Variants in ZDHHC14 observed in about 807,000 individuals in gnomAD.
The protein encoded by ZDHHC14 is palmitoyltransferase ZDHHC14.
A neutral mutation model predicts 47.7 loss-of-function variants in ZDHHC14; 16 were observed. The ratio of observed to expected loss-of-function variants is 0.34; its 90% CI spans 0.23 to 0.51. The LOEUF (loss-of-function observed/expected upper bound fraction) is 0.51, where lower values mean the gene tolerates loss of function less well. Among genes scored for constraint, ZDHHC14 ranks in the 20% least tolerant of loss-of-function variants. The pLI, the probability that ZDHHC14 is intolerant of heterozygous loss-of-function variation, is 0.97. For missense variants in ZDHHC14, 515 were observed against 662.5 expected (o/e 0.78, Z 2.44); for synonymous variants, 293 against 278.9 (o/e 1.05, Z -0.50).
intron 1 of ZDHHC14, among the ~76,000 whole-genome samples, chr6:157,507,098 G>A (rs1308313701): frequency 1.3e-5 from 2 of 151,970 alleles, no homozygotes; most frequent in South Asian, 2.1e-4. Flanking sequence ...CATTATCTGT[G>A]TACTTTTTAT....
chr6:157,528,433 A>T (rs1004317342), intron 1 of ZDHHC14, among the ~76,000 whole-genome samples: 4 of 152,078 alleles, frequency 2.6e-5, no homozygotes, highest in East Asian at 1.9e-4. Flanking sequence ...TAATCAATTA[A>T]TTTAAAAAGC....
At chr6:157,446,917 G>A (rs975180923) in intron 1 of ZDHHC14, among the ~76,000 whole-genome samples, 2 of 151,688 alleles carry the variant, frequency 1.3e-5, no homozygotes, top group African/African-American at 2.4e-5. Context: ...TCAGGAGTTC[G>A]AGACTAGCCT....
intron 1 of ZDHHC14, among the ~76,000 whole-genome samples, chr6:157,497,087 T>C (rs1481567867): frequency 6.6e-6 from 1 of 152,090 alleles, no homozygotes; most frequent in Non-Finnish European, 1.5e-5. Context: ...CGGAGTAGCA[T>C]TGGATAAGGG....
intron 1 of ZDHHC14, among the ~76,000 whole-genome samples, chr6:157,445,940 A>T (rs1007143187): frequency 3.3e-5 from 5 of 152,198 alleles, no homozygotes; most frequent in Non-Finnish European, 7.3e-5. Context: ...TTTTCAACAG[A>T]TTGGACTCGC....
intron 1 of ZDHHC14, among the ~76,000 whole-genome samples, chr6:157,521,552 G>A (rs1582881336): frequency 6.6e-6 from 1 of 152,322 alleles, no homozygotes; most frequent in East Asian, 1.9e-4. Context: ...CCTTCTAGCT[G>A]TGCCCTCACA....
Position 157,632,861 on chromosome 6 carries a change from C to A in ZDHHC14, c.731C>A (p.Ala244Asp). ...TCACAGCAAACAGGATTCCTAAATG[C>A]CCTTAAGGACAGTCCTGCAAGATAT... ...LRSQQTGFLN[A>D]LKDSPASVLE... Residue 244 changes from alanine to aspartate, a missense_variant, in exon 5 of 9, where the codon GCC (alanine) becomes GAC (aspartate). By Grantham distance (126) the Ala-to-Asp change is moderately radical. Coordinates refer to ENST00000359775, the MANE Select transcript of ZDHHC14 (RefSeq NM_024630.3). 6.2e-7 allele frequency: 1 copy of A among 1,614,152 alleles called. No homozygotes were observed. Among genetic ancestry groups the A allele is most frequent in the South Asian group, 1.1e-5 (1 of 91,074 alleles).
At chr6:157,416,985 T>G (rs1181481382) in intron 1 of ZDHHC14, among the ~76,000 whole-genome samples, 1 of 133,630 alleles carries the variant, frequency 7.5e-6, no homozygotes, top group African/African-American at 2.8e-5. Flanking sequence ...TTTTTTTTTT[T>G]TTTTTTTTTT....
chr6:157,400,470 C>T (rs1055987772), intron 1 of ZDHHC14, among the ~76,000 whole-genome samples: 13 of 152,164 alleles, frequency 8.5e-5, no homozygotes, highest in Admixed American at 2.0e-4. Flanking sequence ...GACACACACA[C>T]GCAGAGAAAG....
rs568442169 is a variant in ZDHHC14 at position 157,541,968 on chromosome 6, C to T, written c.246-617C>T. Among the ~76,000 whole-genome samples, 3 of 152,306 alleles carry T rather than the reference C, an allele frequency of 2.0e-5. No individual in the cohort carries two copies. In the East Asian group the frequency reaches 5.8e-4, roughly 29 times the overall value. On this transcript the variant is annotated intron_variant, in intron 1 of 8. Transcript: ENST00000359775. ...GCATGAGATGATTCTATTCCAGCTG[C>T]TGAAATCCCTTAAATCTTCTTCCGA... is the stretch of plus-strand genomic sequence containing the variant.
chr6:157,614,602 A>G (rs1279561756), intron 3 of ZDHHC14, among the ~76,000 whole-genome samples: 2 of 152,014 alleles, frequency 1.3e-5, no homozygotes, highest in Non-Finnish European at 2.9e-5. Context: ...AGAAAACCCC[A>G]TGGAATCGCT....
intron 1 of ZDHHC14, among the ~76,000 whole-genome samples, chr6:157,450,769 T>G (rs1485761198): frequency 6.6e-6 from 1 of 152,150 alleles, no homozygotes; most frequent in Non-Finnish European, 1.5e-5. Flanking sequence ...CTAAGGCAAG[T>G]GTACAAAGAG....
chr6:157,611,404 T>G (rs1276296506), intron 3 of ZDHHC14, among the ~76,000 whole-genome samples: 1 of 152,208 alleles, frequency 6.6e-6, no homozygotes, highest in Non-Finnish European at 1.5e-5. Flanking sequence ...TCTGTGCATT[T>G]ATTTAGAAAC....
chr6:157,561,411 C>T (rs1477236530), intron 2 of ZDHHC14, among the ~76,000 whole-genome samples: 1 of 149,922 alleles, frequency 6.7e-6, no homozygotes, highest in African/African-American at 2.5e-5. Flanking sequence ...TTTTTCTTAC[C>T]GTGTGTATTA....
At chr6:157,654,062 G>C (rs970082658) in intron 8 of ZDHHC14, among the ~76,000 whole-genome samples, 1 of 152,132 alleles carries the variant, frequency 6.6e-6, no homozygotes, top group Non-Finnish European at 1.5e-5. Flanking sequence ...CGGTTCCCCT[G>C]CTTCCGCCCA....
chr6:157,654,184 T>C (rs1777976454), intron 8 of ZDHHC14, among the ~76,000 whole-genome samples: 5 of 152,284 alleles, frequency 3.3e-5, no homozygotes, highest in Middle Eastern at 3.4e-3. Flanking sequence ...TCTCACGCTT[T>C]CTTCGACGGG....
chr6:157,534,539 A>G (rs1781473751), intron 1 of ZDHHC14, among the ~76,000 whole-genome samples: 1 of 3,322 alleles, frequency 3.0e-4, no homozygotes, highest in Non-Finnish European at 6.2e-4. Flanking sequence ...ATTCTATTTC[A>G]TTTCATTTCA....
chr6:157,516,555 A>G (rs778294594), intron 1 of ZDHHC14, among the ~76,000 whole-genome samples: 10 of 152,190 alleles, frequency 6.6e-5, no homozygotes, highest in Non-Finnish European at 1.2e-4. Flanking sequence ...TTATTCGTTG[A>G]ATGAATGTCT....
At chr6:157,399,026 A>G (rs1056853939) in intron 1 of ZDHHC14, among the ~76,000 whole-genome samples, 2 of 152,192 alleles carry the variant, frequency 1.3e-5, no homozygotes, top group Non-Finnish European at 2.9e-5. Flanking sequence ...AAGCTCTGCA[A>G]TTTTCTGGAG....
intron 1 of ZDHHC14, among the ~76,000 whole-genome samples, chr6:157,438,423 A>G (rs999483020): frequency 3.3e-5 from 5 of 152,242 alleles, no homozygotes; most frequent in Non-Finnish European, 7.3e-5. Context: ...TTTGAGTTGC[A>G]TTTGGAAGTA....
Sources: allele counts gnomAD v4.1 joint callset (sites outside exome capture counted in the v4.1 genomes callset), GRCh38; gene constraint gnomAD v4.1.1; transcripts MANE v1.5; gene names NCBI Gene and HGNC (gene_info 2026-07-23, HGNC 2026-07-21).